The following PPP6R3 variants were observed in gnomAD, a reference collection of about 807,000 sequenced individuals.
PPP6R3 encodes the protein serine/threonine-protein phosphatase 6 regulatory subunit 3.
Under a neutral mutation model 110.7 loss-of-function variants are expected in PPP6R3, and 38 were observed. The ratio of observed to expected loss-of-function variants is 0.34; its 90% CI spans 0.26 to 0.45. PPP6R3 has a LOEUF of 0.45. Among genes scored for constraint, PPP6R3 ranks in the 20% least tolerant of loss-of-function variants. The probability of loss-of-function intolerance (pLI) is 1.00; values close to 1 mark genes in which losing one functional copy is unlikely to be tolerated. For missense variants in PPP6R3, 870 were observed against 1,062.4 expected (o/e 0.82, Z 2.52); for synonymous variants, 369 against 373.5 (o/e 0.99, Z 0.14).
At chr11:68,544,762 C>A in intron 3 of PPP6R3, 76 bp from the exon 4 acceptor site, 2 of 996,546 alleles carry the variant, frequency 2.0e-6, no homozygotes, top group Admixed American at 2.8e-5. Flanking sequence ...TCTTGGGAAG[C>A]CTTTCTGATT....
chr11:68,592,712 C>T (rs997003197), intron 18 of PPP6R3, among the ~76,000 whole-genome samples: 2 of 152,198 alleles, frequency 1.3e-5, no homozygotes, highest in African/African-American at 4.8e-5. Context: ...GCTGCTATAG[C>T]TCCAGAGCCA....
chr11:68,575,858 A>C, intron 13 of PPP6R3, 100 bp from the exon 14 acceptor site: 1 of 767,676 alleles, frequency 1.3e-6, no homozygotes, highest in Non-Finnish European at 2.2e-6. Context: ...CCATTGATGA[A>C]CCAGGTGAGT....
chr11:68,598,289 T>A (rs2099620204), intron 19 of PPP6R3, among the ~76,000 whole-genome samples: 1 of 152,234 alleles, frequency 6.6e-6, no homozygotes, highest in Non-Finnish European at 1.5e-5. Context: ...AATGACATTC[T>A]GGAATCTTTG....
chr11:68,582,913 G>A, intron 14 of PPP6R3, 130 bp from the exon 15 acceptor site: 1 of 752,932 alleles, frequency 1.3e-6, no homozygotes, highest in Non-Finnish European at 2.1e-6. Context: ...CAGCTTAACT[G>A]TGACTGACTT....
chr11:68,586,562 C>T (rs541144206), intron 15 of PPP6R3: 1 of 152,086 alleles, frequency 6.6e-6, no homozygotes, highest in East Asian at 1.9e-4. Flanking sequence ...GGGGGCAGCA[C>T]AAAAGTGGGA....
chr11:68,477,754 A>ATATG (rs2098845833), intron 1 of PPP6R3, among the ~76,000 whole-genome samples: 2 of 138,214 alleles, frequency 1.4e-5, no homozygotes. Flanking sequence ...ATATATATAT[A>ATATG]TATATATATA....
chr11:68,542,125 G>A (rs796248151), intron 3 of PPP6R3, among the ~76,000 whole-genome samples: 4 of 150,196 alleles, frequency 2.7e-5, no homozygotes, highest in Non-Finnish European at 4.4e-5. Flanking sequence ...GCAGGCCGCC[G>A]AGTGATGCAT....
At chr11:68,544,403 A>G (rs1010106967) in intron 3 of PPP6R3, among the ~76,000 whole-genome samples, 1 of 152,224 alleles carries the variant, frequency 6.6e-6, no homozygotes, top group African/African-American at 2.4e-5. Context: ...TTAAGTCATT[A>G]CAAGGTGCTG....
chr11:68,583,676 G>A (rs757865425), intron 15 of PPP6R3, among the ~76,000 whole-genome samples: 68 of 152,062 alleles, frequency 4.5e-4, no homozygotes, highest in Non-Finnish European at 8.8e-4. Flanking sequence ...GGAAAGCCTC[G>A]ATATGAATAA....
intron 12 of PPP6R3, among the ~76,000 whole-genome samples, chr11:68,572,657 C>G (rs2099512092): frequency 6.6e-6 from 1 of 152,080 alleles, no homozygotes; most frequent in Non-Finnish European, 1.5e-5. Context: ...CGAGACCAGT[C>G]TGGACAACAT....
intron 1 of PPP6R3, among the ~76,000 whole-genome samples, chr11:68,464,310 T>G (rs2098730341): frequency 6.6e-6 from 1 of 152,140 alleles, no homozygotes; most frequent in South Asian, 2.1e-4. Context: ...TTTTGTATTT[T>G]TAGTAGAGAT....
At chr11:68,481,089 A>C (rs558009846) in intron 1 of PPP6R3, among the ~76,000 whole-genome samples, 15 of 152,330 alleles carry the variant, frequency 9.8e-5, no homozygotes, top group Admixed American at 9.8e-4. Flanking sequence ...GAAGGAAGAG[A>C]GTAGAGTTTA....
chr11:68,609,628 G>A (rs1009110299), intron 22 of PPP6R3: 6 of 1,552,390 alleles, frequency 3.9e-6, no homozygotes, highest in Non-Finnish European at 5.2e-6. Context: ...AAATCCTATC[G>A]GTATGTACAG....
intron 3 of PPP6R3, among the ~76,000 whole-genome samples, chr11:68,542,403 T>TTTTTTTTTTTTTG (rs1457634513): frequency 5.7e-5 from 7 of 122,168 alleles, no homozygotes; most frequent in African/African-American, 2.2e-4. Context: ...TTTTTTTTTT[T>TTTTTTTTTTTTTG]TTTTTTTTAA....
chr11:68,595,964 CGTG>C (rs2099612801), intron 18 of PPP6R3, 130 bp from the exon 19 acceptor site: 1 of 1,142,024 alleles, frequency 8.8e-7, no homozygotes, highest in South Asian at 1.5e-5. Flanking sequence ...ATCCTGACCA[CGTG>C]GTGCTCAGAC....
At chr11:68,526,150 C>G (rs891048310) in intron 2 of PPP6R3, among the ~76,000 whole-genome samples, 2 of 152,144 alleles carry the variant, frequency 1.3e-5, no homozygotes, top group East Asian at 1.9e-4. Context: ...TTTGTTCGCT[C>G]TTGGAATCCT....
chr11:68,462,785 C>CCTT (rs2098717608), intron 1 of PPP6R3, among the ~76,000 whole-genome samples: 1 of 152,126 alleles, frequency 6.6e-6, no homozygotes. Flanking sequence ...CTTGCGTGCA[C>CCTT]CTTCCCCTGG....
intron 3 of PPP6R3, among the ~76,000 whole-genome samples, chr11:68,539,132 C>G (rs1321013389): frequency 1.3e-5 from 2 of 152,196 alleles, no homozygotes; most frequent in South Asian, 2.1e-4. Flanking sequence ...AGTGAACTAG[C>G]ATGTGGGTGG....
chr11:68,521,694 G>A (rs762656938), intron 2 of PPP6R3, among the ~76,000 whole-genome samples: 8 of 152,086 alleles, frequency 5.3e-5, no homozygotes, highest in African/African-American at 9.7e-5. Flanking sequence ...TAGGTTTTGC[G>A]GGCCAAGAGG....
Sources: allele counts gnomAD v4.1 joint callset (sites outside exome capture counted in the v4.1 genomes callset), GRCh38; gene constraint gnomAD v4.1.1; transcripts MANE v1.5; gene names NCBI Gene and HGNC (gene_info 2026-07-23, HGNC 2026-07-21).